Variants in CADPS observed in about 807,000 individuals in gnomAD.
CADPS encodes calcium-dependent secretion activator 1.
In CADPS, 57 loss-of-function variants were observed where a neutral mutation model predicts 167.3. The ratio of observed to expected loss-of-function variants is 0.34; its 90% CI spans 0.28 to 0.42. CADPS has a LOEUF of 0.42. CADPS is among the 20% of genes least tolerant of loss of function. CADPS has a pLI of 1.00. For missense variants in CADPS, 1,414 were observed against 1,738.1 expected (o/e 0.81, Z 3.32); for synonymous variants, 676 against 635.3 (o/e 1.06, Z -0.96).
intron 6 of CADPS, chr3:62,625,856 G>T (rs1226356035): frequency 6.6e-6 from 1 of 150,874 alleles, no homozygotes; most frequent in Non-Finnish European, 1.5e-5. Context: ...CCCCAGAATG[G>T]AATCTTTACT....
intron 6 of CADPS, among the ~76,000 whole-genome samples, chr3:62,622,977 G>A (rs1186347784): frequency 6.6e-6 from 1 of 152,128 alleles, no homozygotes; most frequent in Non-Finnish European, 1.5e-5. Flanking sequence ...CAACCAAGTA[G>A]AGTTAATCAA....
At chr3:62,666,062 C>T (rs910455688) in intron 3 of CADPS, among the ~76,000 whole-genome samples, 9 of 152,158 alleles carry the variant, frequency 5.9e-5, no homozygotes, top group Admixed American at 2.0e-4. Context: ...CCCTCACTGG[C>T]GTGAATGTAG....
At chr3:62,686,853 G>C (rs189154275) in intron 3 of CADPS, among the ~76,000 whole-genome samples, 6 of 152,160 alleles carry the variant, frequency 3.9e-5, no homozygotes, top group Admixed American at 3.9e-4. Context: ...GAATGCATTG[G>C]GTAGTTAGGC....
intron 3 of CADPS, among the ~76,000 whole-genome samples, chr3:62,667,082 C>T (rs1020274031): frequency 2.3e-5 from 3 of 131,286 alleles, no homozygotes; most frequent in South Asian, 2.5e-4. Context: ...ACAGAGTGAA[C>T]AAGCAATCGA....
At chr3:62,518,352 A>G (rs2069519241) in intron 13 of CADPS, 102 bp from the exon 14 acceptor site, 1 of 824,174 alleles carries the variant, frequency 1.2e-6, no homozygotes, top group Non-Finnish European at 1.9e-6. Flanking sequence ...AGAAACAACT[A>G]CAGTGATCGA....
At chr3:62,546,047 GAT>G in intron 11 of CADPS, among the ~76,000 whole-genome samples, 1 of 151,984 alleles carries the variant, frequency 6.6e-6, no homozygotes, top group South Asian at 2.1e-4. Context: ...GATTTAATGA[GAT>G]GTGTGCAGAG....
At chr3:62,790,743 C>T (rs973991085) in intron 1 of CADPS, among the ~76,000 whole-genome samples, 5 of 152,168 alleles carry the variant, frequency 3.3e-5, no homozygotes, top group African/African-American at 4.8e-5. Context: ...CTATTGACAA[C>T]GACTATGGCT....
At chr3:62,689,587 G>T (rs922975830) in intron 3 of CADPS, among the ~76,000 whole-genome samples, 22 of 152,022 alleles carry the variant, frequency 1.4e-4, no homozygotes, top group African/African-American at 4.6e-4. Flanking sequence ...TCTGGAGGGG[G>T]GTTGTAGGGC....
intron 1 of CADPS, among the ~76,000 whole-genome samples, chr3:62,832,190 T>C (rs557611693): frequency 6.6e-6 from 1 of 152,312 alleles, no homozygotes; most frequent in East Asian, 1.9e-4. Flanking sequence ...TGTTTCTAAA[T>C]CTTGGCTGCA....
chr3:62,656,191 C>T (rs2071522434), intron 4 of CADPS, among the ~76,000 whole-genome samples: 1 of 152,064 alleles, frequency 6.6e-6, no homozygotes, highest in Non-Finnish European at 1.5e-5. Flanking sequence ...CACATACACC[C>T]CTTGCAAGCA....
chr3:62,560,915 C>T lies in CADPS; in HGVS notation c.1645-3402G>A, dbSNP rs537505721. ...CTAACATGGTGAAACCCCCTCTCTA[C>T]TAAAAATACAAAAATTAGCTGGACG... is the stretch of plus-strand genomic sequence containing the variant. On this transcript the variant is annotated intron_variant, in intron 9 of 29. Transcript: ENST00000383710. 1.1e-4 allele frequency among the ~76,000 whole-genome samples: 16 copies of T among 152,042 alleles called. No homozygotes were observed. The South Asian group carries it at 2.5e-3, about 24-fold the overall frequency.
rs541681819 is a variant in CADPS at position 62,831,122 on chromosome 3, C to T, written c.441+43467G>A. Among the ~76,000 whole-genome samples the T allele has an allele frequency of 3.3e-5, 5 of 152,260 alleles. No individual in the cohort carries two copies. The South Asian group carries it at 8.3e-4, about 25-fold the overall frequency. On this transcript the variant is annotated intron_variant, in intron 1 of 29. Coordinates refer to ENST00000383710, the MANE Select transcript of CADPS (RefSeq NM_003716.4). ...GGACCTCTTTAAAGTCCTGGGAAGT[C>T]TTAAAACAGACTACTCACTTCTAAC... is the stretch of plus-strand genomic sequence containing the variant.
chr3:62,854,093 A>G (rs1225859276), intron 1 of CADPS, among the ~76,000 whole-genome samples: 1 of 152,144 alleles, frequency 6.6e-6, no homozygotes, highest in Admixed American at 6.5e-5. Context: ...AAGGCCATTA[A>G]AAAATATATA....
At chr3:62,556,783 G>A (rs1298688768) in intron 10 of CADPS, among the ~76,000 whole-genome samples, 1 of 151,760 alleles carries the variant, frequency 6.6e-6, no homozygotes, top group African/African-American at 2.4e-5. Context: ...TACCGCTCGT[G>A]TAGTTTTCTT....
intron 28 of CADPS, among the ~76,000 whole-genome samples, chr3:62,409,027 T>C (rs542953541): frequency 6.6e-6 from 1 of 152,360 alleles, no homozygotes; most frequent in African/African-American, 2.4e-5. Context: ...ATGGAGCCCT[T>C]ATAATGTTCA....
chr3:62,448,453 G>A (rs146296636), intron 26 of CADPS, among the ~76,000 whole-genome samples: 77 of 152,130 alleles, frequency 5.1e-4, no homozygotes, highest in Non-Finnish European at 2.6e-4. Flanking sequence ...ACCAGCCCTC[G>A]GTTTGTTAGG....
intron 3 of CADPS, among the ~76,000 whole-genome samples, chr3:62,710,439 C>T (rs1216091479): frequency 1.3e-5 from 2 of 151,890 alleles, no homozygotes; most frequent in Admixed American, 6.6e-5. Context: ...GGAAAGTTAC[C>T]GAACCTCTCC....
At chr3:62,435,873 G>A (rs1437713052) in intron 28 of CADPS, among the ~76,000 whole-genome samples, 1 of 152,004 alleles carries the variant, frequency 6.6e-6, no homozygotes, top group East Asian at 1.9e-4. Flanking sequence ...AGGGACTGGA[G>A]TTACTTGTGA....
chr3:62,720,659 T>A (rs1272685968), intron 3 of CADPS, among the ~76,000 whole-genome samples: 1 of 151,802 alleles, frequency 6.6e-6, no homozygotes, highest in Non-Finnish European at 1.5e-5. Context: ...ACATTTTTAA[T>A]TTCAGTATAC....
Sources: gnomAD v4.1 joint callset for allele counts (sites outside exome capture counted in the v4.1 genomes callset) on GRCh38, gnomAD v4.1.1 for gene constraint, MANE v1.5 for transcripts, NCBI Gene and HGNC (gene_info 2026-07-23, HGNC 2026-07-21) for gene names.